Variants in LINGO2 observed in about 807,000 individuals in gnomAD.
LINGO2 encodes the protein leucine rich repeat and Ig domain containing 2, also known as leucine-rich repeat and immunoglobulin-like domain-containing nogo receptor-interacting protein 2.
In LINGO2, 14 loss-of-function variants were observed where a neutral mutation model predicts 30.6. That is an observed-to-expected ratio of 0.46 (90% confidence interval 0.30 to 0.72). The LOEUF is 0.72. Ranked by LOEUF, LINGO2 falls within the 30% of genes least tolerant of loss-of-function variation. The pLI is 0.07. For missense variants in LINGO2, 729 were observed against 751.7 expected, an observed-to-expected ratio of 0.97 and a Z score of 0.35; for synonymous variants, 317 against 288.5, an observed-to-expected ratio of 1.10 and a Z score of -1.00.
At chr9:28,572,777 T>C (rs1823762725) in intron 1 of LINGO2, among the ~76,000 whole-genome samples, 1 of 152,146 alleles carries the variant, frequency 6.6e-6, no homozygotes, top group African/African-American at 2.4e-5. Flanking sequence ...CATATCTGAA[T>C]ACTTAGTGCA....
chr9:28,825,493 G>A, the LINGO2 span, among the ~76,000 whole-genome samples: 1 of 151,380 alleles, frequency 6.6e-6, no homozygotes, highest in Non-Finnish European at 1.5e-5. Flanking sequence ...CTGACGTCAA[G>A]AACTTCCATC....
chr9:28,934,708 C>T, the LINGO2 span, among the ~76,000 whole-genome samples: 1 of 66,970 alleles, frequency 1.5e-5, no homozygotes, highest in African/African-American at 4.8e-5. Flanking sequence ...AATAAAACAA[C>T]GAAAGTAAGA....
chr9:28,751,292 A>AAC, the LINGO2 span, among the ~76,000 whole-genome samples: 5 of 136,534 alleles, frequency 3.7e-5, no homozygotes, highest in Admixed American at 6.9e-5. Context: ...TCCAGTCAAA[A>AAC]AAAAAAAAAA....
the LINGO2 span, among the ~76,000 whole-genome samples, chr9:29,134,549 G>C: frequency 6.6e-6 from 1 of 151,968 alleles, no homozygotes; most frequent in East Asian, 1.9e-4. Context: ...TGAAAGGAGA[G>C]ATGGATGAGT....
chr9:28,679,804 T>C, the LINGO2 span, among the ~76,000 whole-genome samples: 2 of 152,122 alleles, frequency 1.3e-5, no homozygotes, highest in African/African-American at 4.8e-5. Flanking sequence ...TTTTTATTTA[T>C]GTATTCATTT....
intron 1 of LINGO2, among the ~76,000 whole-genome samples, chr9:28,518,348 G>T (rs1820705732): frequency 2.0e-5 from 3 of 152,020 alleles, no homozygotes; most frequent in Admixed American, 2.0e-4. Flanking sequence ...TTATAATATA[G>T]GTTAGTACTA....
At chr9:28,205,793 C>A (rs1037356309) in intron 4 of LINGO2, among the ~76,000 whole-genome samples, 3 of 152,184 alleles carry the variant, frequency 2.0e-5, no homozygotes, top group East Asian at 1.9e-4. Flanking sequence ...ATCTTATCTC[C>A]ATTTCCTTTT....
chr9:28,424,392 G>A (rs1013635180), intron 2 of LINGO2, among the ~76,000 whole-genome samples: 2 of 152,114 alleles, frequency 1.3e-5, no homozygotes, highest in Non-Finnish European at 2.9e-5. Context: ...TGGGAGAACC[G>A]AGGTACCGTA....
intron 5 of LINGO2, among the ~76,000 whole-genome samples, chr9:27,990,470 C>T (rs74306512): frequency 1.4e-5 from 2 of 146,960 alleles, no homozygotes; most frequent in African/African-American, 5.0e-5. Flanking sequence ...ATACCCCCCC[C>T]CCTTTTATTT....
chr9:27,953,014 G>GTA (rs1323771105), intron 5 of LINGO2, among the ~76,000 whole-genome samples: 1 of 151,996 alleles, frequency 6.6e-6, no homozygotes, highest in African/African-American at 2.4e-5. Flanking sequence ...TAGGAAATGA[G>GTA]TATAATAAAA....
the LINGO2 span, among the ~76,000 whole-genome samples, chr9:29,201,425 G>A: frequency 1.3e-5 from 2 of 152,000 alleles, no homozygotes; most frequent in Non-Finnish European, 2.9e-5. Context: ...CAGATACAAA[G>A]AGTTGCTCAA....
At chr9:29,080,009 T>C in the LINGO2 span, among the ~76,000 whole-genome samples, 4 of 152,036 alleles carry the variant, frequency 2.6e-5, no homozygotes, top group African/African-American at 7.2e-5. Flanking sequence ...GAAACTATGA[T>C]GGAGTAAGTG....
intron 3 of LINGO2, among the ~76,000 whole-genome samples, chr9:28,357,315 G>GGCC (rs796282898): frequency 6.1e-5 from 4 of 66,076 alleles, no homozygotes; most frequent in Non-Finnish European, 1.0e-4. Flanking sequence ...CAGAAATAAA[G>GGCC]CCCACCCCCC....
At chr9:28,892,895 T>C in the LINGO2 span, among the ~76,000 whole-genome samples, 1 of 152,170 alleles carries the variant, frequency 6.6e-6, no homozygotes, top group Admixed American at 6.6e-5. Context: ...TCTGTTGAAG[T>C]ATTTAATAAA....
At chr9:28,121,817 A>G (rs1354558496) in intron 4 of LINGO2, among the ~76,000 whole-genome samples, 1 of 152,250 alleles carries the variant, frequency 6.6e-6, no homozygotes, top group Non-Finnish European at 1.5e-5. Flanking sequence ...CCACTAGAAT[A>G]TGAATCAGTG....
the LINGO2 span, among the ~76,000 whole-genome samples, chr9:29,046,339 C>A: frequency 6.6e-6 from 1 of 152,090 alleles, no homozygotes; most frequent in Non-Finnish European, 1.5e-5. Context: ...TCACACTACC[C>A]AGCTTCAAAC....
chr9:28,383,429 T>C (rs1467266678), intron 2 of LINGO2, among the ~76,000 whole-genome samples: 2 of 152,034 alleles, frequency 1.3e-5, no homozygotes, highest in African/African-American at 4.8e-5. Flanking sequence ...CGTGATCACA[T>C]TGGAGGAAGG....
At chr9:28,983,138 G>C in the LINGO2 span, among the ~76,000 whole-genome samples, 1 of 151,740 alleles carries the variant, frequency 6.6e-6, no homozygotes, top group African/African-American at 2.4e-5. Flanking sequence ...GCCATGTCTG[G>C]GCCACAGCCT....
the LINGO2 span, chr9:27,939,504 G>A: frequency 1.3e-5 from 2 of 152,222 alleles, no homozygotes; most frequent in Non-Finnish European, 2.9e-5. Context: ...CAAGGTGGTG[G>A]AGGTGACTTG....
Sources: allele counts gnomAD v4.1 joint callset (sites outside exome capture counted in the v4.1 genomes callset), GRCh38; gene constraint gnomAD v4.1.1; transcripts MANE v1.5; gene names NCBI Gene and HGNC (gene_info 2026-07-23, HGNC 2026-07-21).